The following MAMDC2 variants were observed in gnomAD, a reference collection of about 807,000 sequenced individuals.
The protein encoded by MAMDC2 is MAM domain-containing protein 2.
Under a neutral mutation model 89.8 loss-of-function variants are expected in MAMDC2, and 57 were observed. The observed-to-expected ratio is 0.63, with a 90% confidence interval of 0.51 to 0.79. The LOEUF (loss-of-function observed/expected upper bound fraction) is 0.79. Ranked by LOEUF, MAMDC2 falls within the 30% of genes least tolerant of loss-of-function variation. MAMDC2 has a pLI of 0.00. For synonymous variants in MAMDC2, 313 were observed against 293.4 expected, an observed-to-expected ratio of 1.07 and a Z score of -0.68; for missense variants, 800 against 820.6, an observed-to-expected ratio of 0.97 and a Z score of 0.31.
At chr9:70,131,932 G>T (rs562456021) in intron 7 of MAMDC2, among the ~76,000 whole-genome samples, 2 of 152,240 alleles carry the variant, frequency 1.3e-5, no homozygotes, top group East Asian at 3.9e-4. Context: ...AGGATATCTT[G>T]GGCCCATAAA....
chr9:70,104,738 G>A (rs2118235611), intron 2 of MAMDC2, among the ~76,000 whole-genome samples: 1 of 152,300 alleles, frequency 6.6e-6, no homozygotes, highest in East Asian at 1.9e-4. Context: ...GAATAGGCAA[G>A]TTCAGGCAGA....
At chr9:70,080,692 G>A (rs1179264676) in intron 2 of MAMDC2, among the ~76,000 whole-genome samples, 1 of 152,188 alleles carries the variant, frequency 6.6e-6, no homozygotes, top group African/African-American at 2.4e-5. Context: ...TCTGTGTTGA[G>A]TTAGCGGCCA....
chr9:70,096,861 A>T (rs1828041283), intron 2 of MAMDC2, among the ~76,000 whole-genome samples: 1 of 152,168 alleles, frequency 6.6e-6, no homozygotes, highest in East Asian at 1.9e-4. Flanking sequence ...AGAGGAAAAG[A>T]ACATTTCAAG....
At position 70,140,264 on chromosome 9, in the gene MAMDC2, G is replaced by T. The variant is rs144097810; in HGVS notation, c.1114G>T (p.Ala372Ser). ...RVKVKPNMYR[A>S]GDHTTGLGYY... The stretch of plus-strand genomic sequence containing the variant: ...GAAAGTAAAACCAAACATGTATCGG[G>T]CTGGAGACCACACTACAGGCTTAGG... Residue 372 changes from alanine to serine, a missense_variant, in exon 8 of 14, where the codon GCT becomes TCT. Transcript: ENST00000377182. 4 of 1,602,206 alleles carry T rather than the reference G, an allele frequency of 2.5e-6. No homozygotes were observed. Among genetic ancestry groups the T allele is most frequent in the East Asian group, 4.5e-5 (2 of 44,018 alleles).
chr9:70,104,450 C>T (rs1029438974), intron 2 of MAMDC2, among the ~76,000 whole-genome samples: 15 of 152,034 alleles, frequency 9.9e-5, no homozygotes, highest in Admixed American at 6.5e-4. Context: ...AGGCATACAC[C>T]TAGGAGAAGT....
At chr9:70,075,791 A>G (rs939782896) in intron 2 of MAMDC2, among the ~76,000 whole-genome samples, 2 of 152,348 alleles carry the variant, frequency 1.3e-5, no homozygotes, top group Non-Finnish European at 2.9e-5. Flanking sequence ...AAATATTGTA[A>G]GCACCCCAAG....
At chr9:70,044,878 C>CG (rs1826708253) in intron 2 of MAMDC2, among the ~76,000 whole-genome samples, 181 bp downstream of exon 2, 1 of 152,210 alleles carries the variant, frequency 6.6e-6, no homozygotes, top group Admixed American at 6.5e-5. Flanking sequence ...AGGAACGGGG[C>CG]GGGCGGGAGG....
intron 7 of MAMDC2, among the ~76,000 whole-genome samples, chr9:70,138,391 A>G (rs1013579660): frequency 6.6e-6 from 1 of 152,154 alleles, no homozygotes; most frequent in Non-Finnish European, 1.5e-5. Flanking sequence ...TCTTTTTGAT[A>G]TATTGATTTC....
chr9:70,191,781 T>G (rs2032886017), intron 11 of MAMDC2, among the ~76,000 whole-genome samples: 2 of 152,172 alleles, frequency 1.3e-5, no homozygotes, highest in South Asian at 4.1e-4. Flanking sequence ...TCCTCCTTAG[T>G]ATGTACTAAA....
At chr9:70,105,423 G>A (rs1360519997) in intron 2 of MAMDC2, among the ~76,000 whole-genome samples, 2 of 152,084 alleles carry the variant, frequency 1.3e-5, no homozygotes, top group African/African-American at 4.8e-5. Flanking sequence ...GGAGGTGGGC[G>A]GTGCTTGGGC....
chr9:70,205,422 ATCTTTTTCCCCTGATTTTTAAGAAT>A (rs1445535107), intron 11 of MAMDC2, among the ~76,000 whole-genome samples: 2 of 152,214 alleles, frequency 1.3e-5, no homozygotes, highest in Non-Finnish European at 2.9e-5. Flanking sequence ...AAATATTGGT[ATCTTTTTCCCCTGATTTTTAAGAAT>A]TCTTTTCCAG....
intron 2 of MAMDC2, among the ~76,000 whole-genome samples, chr9:70,070,636 C>A (rs1015947924): frequency 6.6e-6 from 1 of 152,162 alleles, no homozygotes; most frequent in Admixed American, 6.5e-5. Context: ...GATCTTATAA[C>A]AATATATTTC....
chr9:70,103,597 G>T (rs1254241135), intron 2 of MAMDC2, among the ~76,000 whole-genome samples: 1 of 151,218 alleles, frequency 6.6e-6, no homozygotes, highest in African/African-American at 2.4e-5. Context: ...TCTTAGCTAC[G>T]ATGCCAAAGG....
At chr9:70,097,631 G>A (rs1349434421) in intron 2 of MAMDC2, among the ~76,000 whole-genome samples, 2 of 152,144 alleles carry the variant, frequency 1.3e-5, no homozygotes, top group Non-Finnish European at 2.9e-5. Flanking sequence ...TACCGCTTGG[G>A]ACCAAAATAG....
At chr9:70,210,384 T>C (rs971894047) in intron 11 of MAMDC2, among the ~76,000 whole-genome samples, 1 of 152,098 alleles carries the variant, frequency 6.6e-6, no homozygotes, top group Admixed American at 6.5e-5. Flanking sequence ...TACCATTATG[T>C]AATGGCCTTC....
chr9:70,166,195 C>A (rs117271329), intron 9 of MAMDC2, among the ~76,000 whole-genome samples: 1 of 150,742 alleles, frequency 6.6e-6, no homozygotes, highest in Non-Finnish European at 1.5e-5. Context: ...GAGCTGAGAT[C>A]GCATCATTGC....
intron 11 of MAMDC2, among the ~76,000 whole-genome samples, chr9:70,212,794 G>T (rs1346574991): frequency 1.3e-5 from 2 of 152,132 alleles, no homozygotes; most frequent in Non-Finnish European, 2.9e-5. Flanking sequence ...AAGGTTCCTG[G>T]AACTGGAAAC....
At chr9:70,124,608 A>G (rs2030445049) in intron 5 of MAMDC2, among the ~76,000 whole-genome samples, 1 of 152,200 alleles carries the variant, frequency 6.6e-6, no homozygotes, top group Non-Finnish European at 1.5e-5. Context: ...CGGGCTATGT[A>G]CTAGATACAC....
chr9:70,176,925 C>A (rs990525274), intron 11 of MAMDC2, among the ~76,000 whole-genome samples: 4 of 152,152 alleles, frequency 2.6e-5, no homozygotes, highest in African/African-American at 9.7e-5. Context: ...TGCCTGAAAC[C>A]AAAGGCAGTA....
Sources: allele counts gnomAD v4.1 joint callset (sites outside exome capture counted in the v4.1 genomes callset), GRCh38; gene constraint gnomAD v4.1.1; transcripts MANE v1.5; gene names NCBI Gene and HGNC (gene_info 2026-07-23, HGNC 2026-07-21).